The following CNOT4 variants were observed in gnomAD, a reference collection of about 807,000 sequenced individuals.
CNOT4 encodes CCR4-associated factor 4.
Under a neutral mutation model 73.8 loss-of-function variants are expected in CNOT4, and 8 were observed. The observed-to-expected ratio is 0.11, with a 90% CI of 0.06 to 0.20. CNOT4 has a LOEUF of 0.20. Ranked by LOEUF, CNOT4 falls within the 10% of genes least tolerant of loss-of-function variation. The pLI is 1.00. For missense variants in CNOT4, 564 were observed against 883.4 expected, an observed-to-expected ratio of 0.64 and a Z score of 4.58; for synonymous variants, 293 against 321.1, an observed-to-expected ratio of 0.91 and a Z score of 0.94.
chr7:135,482,797 G>A (rs941487787), intron 1 of CNOT4, among the ~76,000 whole-genome samples: 3 of 150,872 alleles, frequency 2.0e-5, no homozygotes, highest in Non-Finnish European at 4.4e-5. Context: ...CCTGGCCAAC[G>A]TGGTGAAACC....
chr7:135,470,043 G>A (rs190166121), intron 1 of CNOT4, among the ~76,000 whole-genome samples: 21 of 151,940 alleles, frequency 1.4e-4, no homozygotes, highest in Admixed American at 2.6e-4. Context: ...GGCTGGTCTC[G>A]AACTCCTGGC....
chr7:135,418,987 G>C (rs114870795), intron 3 of CNOT4, among the ~76,000 whole-genome samples: 7 of 146,570 alleles, frequency 4.8e-5, no homozygotes, highest in African/African-American at 1.8e-4. Flanking sequence ...CCCCCTACCC[G>C]CCCCCTGGCA....
intron 2 of CNOT4, among the ~76,000 whole-genome samples, chr7:135,434,944 T>A (rs551162728): frequency 8.1e-4 from 123 of 152,344 alleles, no homozygotes; most frequent in South Asian, 2.1e-3. Context: ...AGTTCATGAA[T>A]CTTTGCATGT....
chr7:135,474,638 T>C (rs1310541235), intron 1 of CNOT4, among the ~76,000 whole-genome samples: 1 of 152,194 alleles, frequency 6.6e-6, no homozygotes, highest in Non-Finnish European at 1.5e-5. Flanking sequence ...CCAAATGCTC[T>C]GGTTAGGAGT....
chr7:135,375,473 G>A (rs1423238118), intron 10 of CNOT4, among the ~76,000 whole-genome samples: 2 of 150,018 alleles, frequency 1.3e-5, no homozygotes, highest in Non-Finnish European at 3.0e-5. Context: ...AACACCTCAG[G>A]AGTACACACA....
intron 1 of CNOT4, among the ~76,000 whole-genome samples, chr7:135,452,402 T>C (rs903538740): frequency 6.6e-6 from 1 of 152,110 alleles, no homozygotes; most frequent in Non-Finnish European, 1.5e-5. Flanking sequence ...AAACCCTGTT[T>C]CTACTAAAAA....
At chr7:135,369,530 A>C (rs1795084117) in intron 10 of CNOT4, among the ~76,000 whole-genome samples, 1 of 152,194 alleles carries the variant, frequency 6.6e-6, no homozygotes, top group Non-Finnish European at 1.5e-5. Context: ...TTTTCTAAAA[A>C]GCTTTTGTCT....
At chr7:135,453,046 T>C (rs377276160) in intron 1 of CNOT4, among the ~76,000 whole-genome samples, 1 of 152,164 alleles carries the variant, frequency 6.6e-6, no homozygotes, top group Non-Finnish European at 1.5e-5. Flanking sequence ...TCTGATAGGG[T>C]ATAACACCTT....
chr7:135,401,855 G>A (rs1019930348), intron 7 of CNOT4, among the ~76,000 whole-genome samples: 1 of 152,158 alleles, frequency 6.6e-6, no homozygotes, highest in African/African-American at 2.4e-5. Context: ...CTGAGAGAAA[G>A]AGAAATCAAG....
At chr7:135,409,137 A>C (rs1487237561) in intron 7 of CNOT4, among the ~76,000 whole-genome samples, 1 of 152,212 alleles carries the variant, frequency 6.6e-6, no homozygotes, top group African/African-American at 2.4e-5. Flanking sequence ...TAAATGTTAA[A>C]AGCATCTAAA....
chr7:135,470,725 A>G (rs1463386520), intron 1 of CNOT4, among the ~76,000 whole-genome samples: 1 of 152,224 alleles, frequency 6.6e-6, no homozygotes, highest in African/African-American at 2.4e-5. Context: ...ATGCTCAGTA[A>G]AAGAAGCCAG....
intron 10 of CNOT4, among the ~76,000 whole-genome samples, chr7:135,390,950 T>C (rs145489866): frequency 5.9e-4 from 90 of 152,216 alleles, no homozygotes; most frequent in African/African-American, 2.1e-3. Context: ...ACTCTCTCCA[T>C]TACTGAAGCA....
chr7:135,436,354 A>G (rs975160855), intron 2 of CNOT4, among the ~76,000 whole-genome samples: 12 of 148,408 alleles, frequency 8.1e-5, no homozygotes, highest in African/African-American at 2.7e-4. Context: ...TCCCAAAGGG[A>G]AAAAAAAAAG....
chr7:135,435,162 T>C (rs1433013901), intron 2 of CNOT4, among the ~76,000 whole-genome samples: 1 of 152,240 alleles, frequency 6.6e-6, no homozygotes, highest in African/African-American at 2.4e-5. Context: ...CTATTCTAGA[T>C]GTTCTAAAAT....
chr7:135,502,442 T>C lies in CNOT4; in HGVS notation c.-93+7447A>G, dbSNP rs1024179638. Among the ~76,000 whole-genome samples, 9 of 152,352 alleles carry C rather than the reference T, an allele frequency of 5.9e-5. 1 individual carries two copies. The highest frequency in any genetic ancestry group is 4.6e-4 in the Admixed American group (7 of 15,302). On this transcript the variant is annotated intron_variant, in intron 1 of 11. Transcript: ENST00000541284. ...AGTGCTAATTATATCATTATGAAAG[T>C]ATTCTTGACAAGATAAACTCTACAA... is the stretch of plus-strand genomic sequence containing the variant.
At chr7:135,405,783 T>C (rs1797246775) in intron 7 of CNOT4, among the ~76,000 whole-genome samples, 1 of 152,160 alleles carries the variant, frequency 6.6e-6, no homozygotes. Flanking sequence ...CAGGGTTCAG[T>C]GAGGATTAAT....
At chr7:135,438,701 T>C (rs553315529) in intron 1 of CNOT4, among the ~76,000 whole-genome samples, 1 of 152,336 alleles carries the variant, frequency 6.6e-6, no homozygotes, top group South Asian at 2.1e-4. Flanking sequence ...TAACACATTT[T>C]AGGGGAATAA....
At chr7:135,481,890 T>C (rs1297952091) in intron 1 of CNOT4, among the ~76,000 whole-genome samples, 1 of 152,126 alleles carries the variant, frequency 6.6e-6, no homozygotes, top group Non-Finnish European at 1.5e-5. Context: ...GTTAATCTTA[T>C]AGAAGTAGCA....
At chr7:135,392,389 T>C (rs1217566134) in intron 10 of CNOT4, among the ~76,000 whole-genome samples, 1 of 152,166 alleles carries the variant, frequency 6.6e-6, no homozygotes, top group Non-Finnish European at 1.5e-5. Context: ...TTTAAATGTT[T>C]TGATGATTTG....
Sources: gnomAD v4.1 joint callset for allele counts (sites outside exome capture counted in the v4.1 genomes callset) on GRCh38, gnomAD v4.1.1 for gene constraint, MANE v1.5 for transcripts, NCBI Gene and HGNC (gene_info 2026-07-23, HGNC 2026-07-21) for gene names.